EXOSC2: variants seen among roughly 807,000 people sequenced by gnomAD.
EXOSC2 encodes the protein exosome complex component RRP4.
Under a neutral mutation model 37.6 loss-of-function variants are expected in EXOSC2, and 29 were observed. The ratio of observed to expected loss-of-function variants is 0.77; its 90% CI spans 0.57 to 1.05. The LOEUF is 1.05. Ranked by LOEUF, EXOSC2 falls within the 50% of genes least tolerant of loss-of-function variation. The probability of loss-of-function intolerance (pLI) is 0.00; values close to 1 mark genes in which losing one functional copy is unlikely to be tolerated. For synonymous variants in EXOSC2, 119 were observed against 131.1 expected, an observed-to-expected ratio of 0.91 and a Z score of 0.63; for missense variants, 346 against 365.6, an observed-to-expected ratio of 0.95 and a Z score of 0.44.
chr9:130,694,028 C>G lies in EXOSC2; in HGVS notation c.122+115C>G. On this transcript the variant is annotated intron_variant, in intron 1 of 8. Coordinates refer to ENST00000372358, the MANE Select transcript of EXOSC2 (RefSeq NM_014285.7). The surrounding 1 kb of genome is among the most constrained non-coding windows in gnomAD (Gnocchi z 4.0). ...ACTCCCCGCGGGACCCAGGGCACTT[C>G]GTCTGAGCATCCTACACACCTCGCT... is the stretch of plus-strand genomic sequence containing the variant. 1.6e-6 allele frequency: 2 copies of G among 1,273,782 alleles called. No homozygotes were observed. Among genetic ancestry groups the G allele is most frequent in the Non-Finnish European group, 2.1e-6 (2 of 942,562 alleles). 78.9% of individuals were successfully genotyped at this position (1,273,782 alleles called of 1,614,324 possible).
Position 130,702,239 on chromosome 9 carries a change from G to A in EXOSC2, c.601G>A (p.Gly201Ser), listed in dbSNP as rs774839836. Residue 201 changes from glycine (G) to serine (S), a missense_variant, in exon 7 of 9, where the codon GGC (glycine) becomes AGC (serine). Physicochemically the swap from Gly to Ser is moderately conservative, Grantham distance 56. Coordinates refer to ENST00000372358, the MANE Select transcript of EXOSC2 (RefSeq NM_014285.7). ...TGCCTCAGTGATTCTCGGTAACAACGGCTTCATCTGGATTTACCCAACACC... is the reference window on the plus strand; with the variant it reads ...TGCCTCAGTGATTCTCGGTAACAACAGCTTCATCTGGATTTACCCAACACC... ...CGASVILGNNGFIWIYPTPEH... is the reference protein window; with the variant it reads ...CGASVILGNNSFIWIYPTPEH... 6.2e-6 allele frequency: 10 copies of A among 1,614,058 alleles called. No individual in the cohort carries two copies. The highest frequency in any genetic ancestry group is 3.3e-5 in the Admixed American group (2 of 60,002).
In EXOSC2 at chr9:130,704,016, C is replaced by G. The variant is rs188916148; in HGVS notation, c.*242C>G. 743 of 362,354 alleles carry G rather than the reference C, an allele frequency of 2.1e-3. 11 individuals are homozygous for G. The highest frequency in any genetic ancestry group is 1.9e-3 in the Non-Finnish European group (377 of 200,694). 22.4% of individuals were successfully genotyped at this position (362,354 alleles called of 1,614,324 possible). A position where few individuals can be genotyped will look rare whatever the true frequency, so the allele number is the denominator to read the frequency against. On this transcript the variant is annotated 3_prime_UTR_variant, in exon 9 of 9. Transcript: ENST00000372358. ...CCGGTATTAGGGAATAGTTTCAGCT[C>G]TTTCAAAGTGCACAGTGTTACAGTC...
intron 6 of EXOSC2, 44 bp downstream of exon 6, chr9:130,700,979 A>G (rs765996578): frequency 1.9e-6 from 3 of 1,598,566 alleles, no homozygotes; most frequent in South Asian, 1.1e-5. Context: ...CTGAGACTAC[A>G]AGGCTATTTT....
At chr9:130,699,986 G>C (rs1005394149) in intron 5 of EXOSC2, among the ~76,000 whole-genome samples, 3 of 152,144 alleles carry the variant, frequency 2.0e-5, no homozygotes, top group Non-Finnish European at 4.4e-5. Context: ...CAGCTTGGGT[G>C]ACAGAACAAG....
At chr9:130,703,228 T>C (rs747655382) in intron 8 of EXOSC2, 47 bp downstream of exon 8, 9 of 1,576,406 alleles carry the variant, frequency 5.7e-6, no homozygotes, top group East Asian at 2.3e-5. Context: ...TGTGAGCTGC[T>C]CTGTTGTTTG....
rs984613804 is a variant in EXOSC2 at position 130,703,039 on chromosome 9, G to C, written c.673-14G>C. 3.1e-6 allele frequency: 5 copies of C among 1,605,138 alleles called. No homozygotes were observed. The highest frequency in any genetic ancestry group is 2.2e-5 in the East Asian group (1 of 44,650). On this transcript the variant is annotated splice_polypyrimidine_tract_variant and intron_variant, in intron 7 of 8. Transcript: ENST00000372358. ...TGTTTGTATTTCCCTTCCCCTCTCT[G>C]TGTCTCCTTATAGCCTGTCTCTCTT...
Position 130,703,043 on chromosome 9 carries a change from C to A in EXOSC2, c.673-10C>A. Reference sequence around the variant, plus strand: ...TGTATTTCCCTTCCCCTCTCTGTGTCTCCTTATAGCCTGTCTCTCTTGCTG... The same window carrying A: ...TGTATTTCCCTTCCCCTCTCTGTGTATCCTTATAGCCTGTCTCTCTTGCTG... On this transcript the variant is annotated splice_polypyrimidine_tract_variant and intron_variant, in intron 7 of 8. Coordinates refer to ENST00000372358, the MANE Select transcript of EXOSC2 (RefSeq NM_014285.7). 6.2e-7 allele frequency: 1 copy of A among 1,605,874 alleles called. No homozygotes were observed. Among genetic ancestry groups the A allele is most frequent in the South Asian group, 1.1e-5 (1 of 90,186 alleles).
chr9:130,693,915 T>G lies in EXOSC2; in HGVS notation c.122+2T>G, dbSNP rs1430887213. On this transcript the variant is annotated splice_donor_variant, in intron 1 of 8. Transcript: ENST00000372358. LOFTEE classifies it high-confidence loss of function. ...CACTACGGACACAGGATTCATGCGGTACGTGGGGACTTGGGGGAGTCGAGG... is the reference window on the plus strand; with the variant it reads ...CACTACGGACACAGGATTCATGCGGGACGTGGGGACTTGGGGGAGTCGAGG... The G allele has an allele frequency of 6.3e-7, 1 of 1,599,588 alleles. No homozygotes were observed. The highest frequency in any genetic ancestry group is 1.7e-4 in the Middle Eastern group (1 of 6,024).
intron 1 of EXOSC2, 58 bp downstream of exon 1, chr9:130,693,971 C>T (rs1831037895): frequency 6.5e-7 from 1 of 1,542,946 alleles, no homozygotes; most frequent in East Asian, 2.3e-5. Flanking sequence ...GCTCTCTGCA[C>T]GTGGTCCAGG....
At chr9:130,695,388 G>T in intron 1 of EXOSC2, 104 bp from the exon 2 acceptor site, 2 of 963,676 alleles carry the variant, frequency 2.1e-6, no homozygotes, top group Non-Finnish European at 3.4e-6. Context: ...GCCACGCTTT[G>T]CAGGGGGAGC....
chr9:130,696,526 AGTGATG>A (rs760648985), intron 2 of EXOSC2, among the ~76,000 whole-genome samples: 2 of 152,116 alleles, frequency 1.3e-5, no homozygotes, highest in Non-Finnish European at 2.9e-5. Flanking sequence ...CATGATCTGA[AGTGATG>A]GTGGCTTCAA....
chr9:130,696,199 G>C (rs1831093621), intron 2 of EXOSC2, among the ~76,000 whole-genome samples: 1 of 152,178 alleles, frequency 6.6e-6, no homozygotes, highest in African/African-American at 2.4e-5. Flanking sequence ...GATGGTGCCT[G>C]TAAAGTATTT....
intron 5 of EXOSC2, 108 bp from the exon 6 acceptor site, chr9:130,700,759 T>G: frequency 1.1e-6 from 1 of 917,920 alleles, no homozygotes. Flanking sequence ...GCCTGGACCA[T>G]TGGAGAGGGG....
chr9:130,701,101 G>T (rs962186551), intron 6 of EXOSC2, 166 bp downstream of exon 6: 2 of 638,084 alleles, frequency 3.1e-6, no homozygotes, highest in East Asian at 5.7e-5. Flanking sequence ...ACATCAGGAC[G>T]GTCAGGGTTC....
chr9:130,702,409 TG>T (rs2132643074), intron 7 of EXOSC2, 99 bp downstream of exon 7: 1 of 941,066 alleles, frequency 1.1e-6, no homozygotes, highest in East Asian at 2.6e-5. Flanking sequence ...GCTATGTTAC[TG>T]GTGTAGGCTG....
chr9:130,701,995 T>C, intron 6 of EXOSC2, 139 bp from the exon 7 acceptor site: 1 of 1,449,826 alleles, frequency 6.9e-7, no homozygotes, highest in East Asian at 2.5e-5. Flanking sequence ...ATGTGTACTA[T>C]GTGTATGCAT....
At position 130,702,198 on chromosome 9, in the gene EXOSC2, A is replaced by G. The variant is rs1235827400; in HGVS notation, c.560A>G (p.His187Arg). ...SLVKRQKTHF[H>R]DLPCGASVIL... ...GTGAAACGGCAGAAGACCCACTTTC[A>G]TGATTTGCCATGTGGTGCCTCAGTG... is the stretch of plus-strand genomic sequence containing the variant. The change falls in exon 7 of 9, where the codon CAT (histidine) becomes CGT (arginine). Residue 187 changes from histidine (H) to arginine (R), a missense_variant. Transcript: ENST00000372358. The G allele has an allele frequency of 1.8e-5, 29 of 1,613,994 alleles. No individual in the cohort carries two copies. Among genetic ancestry groups the G allele is most frequent in the Non-Finnish European group, 2.1e-5 (25 of 1,180,020 alleles).
chr9:130,702,351 G>A, intron 7 of EXOSC2, 41 bp downstream of exon 7: 2 of 1,559,142 alleles, frequency 1.3e-6, no homozygotes, highest in Non-Finnish European at 1.8e-6. Flanking sequence ...GATGGAGGGG[G>A]CTCAGTCTTT....
intron 6 of EXOSC2, 121 bp downstream of exon 6, chr9:130,701,056 G>T (rs1474948578): frequency 4.6e-6 from 4 of 868,506 alleles, no homozygotes; most frequent in Non-Finnish European, 7.4e-6. Context: ...AATAGAGGCT[G>T]GCATCCCACA....
Sources: allele counts gnomAD v4.1 joint callset (sites outside exome capture counted in the v4.1 genomes callset), GRCh38; gene constraint gnomAD v4.1.1; non-coding constraint Gnocchi (gnomAD v3.1); transcripts MANE v1.5; gene names NCBI Gene and HGNC (gene_info 2026-07-23, HGNC 2026-07-21).